The following SH3BGRL2 variants were observed in gnomAD, a reference collection of about 807,000 sequenced individuals.
SH3BGRL2 encodes the protein SH3 domain binding glutamate rich protein like 2.
In SH3BGRL2, 21 loss-of-function variants were observed where a neutral mutation model predicts 14.8. That is an observed-to-expected ratio of 1.42 (90% confidence interval 1.01 to 2.05). SH3BGRL2 has a LOEUF of 2.05. Among genes scored for constraint, SH3BGRL2 ranks in the 30% most tolerant of loss-of-function variants. SH3BGRL2 has a pLI of 0.00. For synonymous variants in SH3BGRL2, 50 were observed against 47.8 expected (o/e 1.05, Z -0.19); for missense variants, 147 against 130.8 (o/e 1.12, Z -0.61).
chr6:79,561,808 C>G, the SH3BGRL2 span, among the ~76,000 whole-genome samples: 1 of 152,144 alleles, frequency 6.6e-6, no homozygotes, highest in African/African-American at 2.4e-5. Context: ...GGAAACTTCA[C>G]TCAAGCTGAG....
At chr6:79,668,096 C>G (rs1769697922) in intron 1 of SH3BGRL2, among the ~76,000 whole-genome samples, 1 of 152,068 alleles carries the variant, frequency 6.6e-6, no homozygotes, top group African/African-American at 2.4e-5. Context: ...CTATGTATAC[C>G]CTGGAATTCA....
chr6:79,613,970 G>A, the SH3BGRL2 span, among the ~76,000 whole-genome samples: 1 of 152,076 alleles, frequency 6.6e-6, no homozygotes, highest in East Asian at 1.9e-4. Context: ...CTGAAGGAAG[G>A]TGAGTTTGGG....
chr6:79,645,094 A>T (rs1025540722), intron 1 of SH3BGRL2, among the ~76,000 whole-genome samples: 2 of 147,990 alleles, frequency 1.4e-5, no homozygotes, highest in African/African-American at 5.0e-5. Context: ...CAGGAGATGG[A>T]GTAGGTTGCA....
At chr6:79,649,704 T>C (rs1379639565) in intron 1 of SH3BGRL2, among the ~76,000 whole-genome samples, 1 of 152,174 alleles carries the variant, frequency 6.6e-6, no homozygotes, top group Non-Finnish European at 1.5e-5. Context: ...TTAGCCCCCA[T>C]GCACTTTTCC....
At chr6:79,632,694 A>T (rs751093862) in intron 1 of SH3BGRL2, among the ~76,000 whole-genome samples, 2 of 152,244 alleles carry the variant, frequency 1.3e-5, no homozygotes, top group African/African-American at 4.8e-5. Flanking sequence ...GGAAAATCCA[A>T]CTTACACTTA....
chr6:79,668,533 A>G (rs1211680040), intron 1 of SH3BGRL2, among the ~76,000 whole-genome samples: 1 of 152,108 alleles, frequency 6.6e-6, no homozygotes, highest in Non-Finnish European at 1.5e-5. Flanking sequence ...TTATCCATTC[A>G]GTGGCCAACA....
chr6:79,586,089 G>A, the SH3BGRL2 span, among the ~76,000 whole-genome samples: 2 of 151,600 alleles, frequency 1.3e-5, no homozygotes, highest in Admixed American at 6.6e-5. Context: ...CCAGCTACTC[G>A]GGAGGCTGAG....
chr6:79,632,786 T>A (rs1392242747), intron 1 of SH3BGRL2, among the ~76,000 whole-genome samples: 2 of 152,194 alleles, frequency 1.3e-5, no homozygotes, highest in Non-Finnish European at 2.9e-5. Flanking sequence ...ATGCCTGCCT[T>A]TTGTAGATTT....
At chr6:79,688,471 A>T (rs1582738687) in intron 2 of SH3BGRL2, among the ~76,000 whole-genome samples, 1 of 152,172 alleles carries the variant, frequency 6.6e-6, no homozygotes, top group East Asian at 1.9e-4. Flanking sequence ...CTTTCTGCAA[A>T]GTAAATATTT....
the SH3BGRL2 span, among the ~76,000 whole-genome samples, chr6:79,600,140 A>G: frequency 6.6e-6 from 1 of 152,210 alleles, no homozygotes; most frequent in South Asian, 2.1e-4. Flanking sequence ...CAGCACAAGC[A>G]TTATTCTATA....
At chr6:79,557,684 T>C in the SH3BGRL2 span, among the ~76,000 whole-genome samples, 174 of 152,340 alleles carry the variant, frequency 1.1e-3, no homozygotes, top group Middle Eastern at 0.017. Context: ...AAGTGCATTA[T>C]AATTAGTAGT....
At chr6:79,603,410 A>G in the SH3BGRL2 span, among the ~76,000 whole-genome samples, 2 of 152,316 alleles carry the variant, frequency 1.3e-5, no homozygotes, top group South Asian at 2.1e-4. Context: ...TTTGCTTTCA[A>G]TTGCAATTGA....
Position 79,631,425 on chromosome 6 carries a change from C to T in SH3BGRL2, c.-37C>T. 2 of 1,505,276 alleles carry T rather than the reference C, an allele frequency of 1.3e-6. No homozygotes were observed. The highest frequency in any genetic ancestry group is 1.8e-6 in the Non-Finnish European group (2 of 1,126,038). 93.2% of individuals were successfully genotyped at this position (1,505,276 alleles called of 1,614,324 possible). A position where few individuals can be genotyped will look rare whatever the true frequency, so the allele number is the denominator to read the frequency against. On this transcript the variant is annotated 5_prime_UTR_variant, in exon 1 of 4. Coordinates refer to ENST00000369838, the MANE Select transcript of SH3BGRL2 (RefSeq NM_031469.4). ...TCTGCGTCCACGCCAGCCCGGAGCCCGGGGGGCAAGGGGTCTGTCCCGGGC... is the reference window on the plus strand; with the variant it reads ...TCTGCGTCCACGCCAGCCCGGAGCCTGGGGGGCAAGGGGTCTGTCCCGGGC...
the SH3BGRL2 span, among the ~76,000 whole-genome samples, chr6:79,543,811 A>G: frequency 1.3e-5 from 2 of 152,204 alleles, no homozygotes; most frequent in African/African-American, 4.8e-5. Context: ...TCAGTTATTT[A>G]TAAATATAAG....
the SH3BGRL2 span, among the ~76,000 whole-genome samples, chr6:79,563,144 A>AT: frequency 3.1e-3 from 432 of 138,302 alleles, 7 homozygotes; most frequent in East Asian, 0.039. Context: ...TTTTTTTTGT[A>AT]TTTTTTTTTT....
upstream of SH3BGRL2, among the ~76,000 whole-genome samples, chr6:79,628,851 T>C (rs1232537611): frequency 1.3e-5 from 2 of 152,224 alleles, no homozygotes; most frequent in African/African-American, 2.4e-5. Flanking sequence ...CTCAGGGCAC[T>C]TTTGGTTCCA....
the SH3BGRL2 span, among the ~76,000 whole-genome samples, chr6:79,590,373 C>T: frequency 2.8e-5 from 4 of 141,030 alleles, no homozygotes; most frequent in South Asian, 2.2e-4. Context: ...ATAGCAAAGC[C>T]GTGGAATCAA....
At chr6:79,577,001 T>C in the SH3BGRL2 span, among the ~76,000 whole-genome samples, 1 of 152,222 alleles carries the variant, frequency 6.6e-6, no homozygotes, top group Admixed American at 6.5e-5. Flanking sequence ...TTTATAAATT[T>C]AGTATCCATT....
the SH3BGRL2 span, among the ~76,000 whole-genome samples, chr6:79,589,513 C>T: frequency 6.6e-6 from 1 of 151,970 alleles, no homozygotes; most frequent in Non-Finnish European, 1.5e-5. Flanking sequence ...AAGAGCAAAA[C>T]TTATTAATGT....
Sources: allele counts gnomAD v4.1 joint callset (sites outside exome capture counted in the v4.1 genomes callset), GRCh38; gene constraint gnomAD v4.1.1; transcripts MANE v1.5; gene names NCBI Gene and HGNC (gene_info 2026-07-23, HGNC 2026-07-21).